ZNF175: variants seen among roughly 807,000 people sequenced by gnomAD.
The protein encoded by ZNF175 is zinc finger protein 175.
Under a neutral mutation model 14.0 loss-of-function variants are expected in ZNF175, and 8 were observed. The ratio of observed to expected loss-of-function variants is 0.57; its 90% CI spans 0.34 to 1.03. The LOEUF (loss-of-function observed/expected upper bound fraction) is 1.03, where lower values mean the gene tolerates loss of function less well. Ranked by LOEUF, ZNF175 falls within the 50% of genes least tolerant of loss-of-function variation. The probability of loss-of-function intolerance (pLI) is 0.03; values close to 1 mark genes in which losing one functional copy is unlikely to be tolerated. For synonymous variants in ZNF175, 255 were observed against 296.8 expected (o/e 0.86, Z 1.45); for missense variants, 764 against 849.5 (o/e 0.90, Z 1.25).
intron 2 of ZNF175, among the ~76,000 whole-genome samples, chr19:51,575,185 T>C (rs1981729364): frequency 6.6e-6 from 1 of 151,602 alleles, no homozygotes; most frequent in Non-Finnish European, 1.5e-5. Context: ...TTTGGTTTGG[T>C]TTAGCCTCCG....
In ZNF175 at chr19:51,582,678, C is replaced by T. The variant is rs1982050213; in HGVS notation, c.295+796C>T. ...TTATCTGTTATCTGATTGGCTTTTT[C>T]ATTTGTTTGTTGCATTTTCTTACCG... On this transcript the variant is annotated intron_variant, in intron 4 of 4. Transcript: ENST00000262259. Among the ~76,000 whole-genome samples, 3 of 152,130 alleles carry T rather than the reference C, an allele frequency of 2.0e-5. No individual in the cohort carries two copies. The South Asian group carries it at 6.2e-4, about 31-fold the overall frequency.
chr19:51,583,271 C>A (rs1982071604), intron 4 of ZNF175, among the ~76,000 whole-genome samples: 1 of 152,142 alleles, frequency 6.6e-6, no homozygotes, highest in Non-Finnish European at 1.5e-5. Context: ...TGTGCTTAAA[C>A]TGTGTTCTGC....
chr19:51,587,982 A>G lies in ZNF175; in HGVS notation c.1651A>G (p.Arg551Gly). The change falls in exon 5 of 5, where the codon AGA becomes GGA. Residue 551 changes from arginine (R) to glycine (G), a missense_variant. Transcript: ENST00000262259. ...GAAGTCAATACTCAGCATGCATCAG[A>G]GAATTCACACCGGAGAGAAGCCTTA... ...NQKSILSMHQ[R>G]IHTGEKPYKC... The G allele has an allele frequency of 6.2e-7, 1 of 1,614,188 alleles. No homozygotes were observed.
intron 2 of ZNF175, among the ~76,000 whole-genome samples, chr19:51,576,338 CAG>C (rs1329685216): frequency 6.6e-6 from 1 of 151,946 alleles, no homozygotes; most frequent in Non-Finnish European, 1.5e-5. Context: ...TTAGTAGAAA[CAG>C]GGTTTCACCA....
Position 51,589,288 on chromosome 19 carries a change from A to G in ZNF175, c.*821A>G. 2.0e-6 allele frequency: 1 copy of G among 510,920 alleles called. No individual in the cohort carries two copies. The highest frequency in any genetic ancestry group is 3.5e-6 in the Non-Finnish European group (1 of 287,988). 31.6% of individuals were successfully genotyped at this position (510,920 alleles called of 1,614,324 possible). ...TGTATGCGTATGTATGTATGTATGT[A>G]TGCCCTCAGTGCAGTGGGGTTTGCT... On this transcript the variant is annotated 3_prime_UTR_variant, in exon 5 of 5. Coordinates refer to ENST00000262259, the MANE Select transcript of ZNF175 (RefSeq NM_007147.4).
chr19:51,584,030 G>A (rs1982093561), intron 4 of ZNF175, among the ~76,000 whole-genome samples: 1 of 152,196 alleles, frequency 6.6e-6, no homozygotes, highest in Non-Finnish European at 1.5e-5. Context: ...ATTTTAAAAG[G>A]ATGCTTTAAA....
chr19:51,571,657 T>A (rs73562612), intron 1 of ZNF175, among the ~76,000 whole-genome samples, 182 bp downstream of exon 1: 2 of 152,164 alleles, frequency 1.3e-5, no homozygotes, highest in South Asian at 2.1e-4. Context: ...TACTTTAATA[T>A]CGGATTTTAT....
At chr19:51,580,527 T>A (rs1301001758) in intron 2 of ZNF175, among the ~76,000 whole-genome samples, 1 of 152,200 alleles carries the variant, frequency 6.6e-6, no homozygotes, top group Non-Finnish European at 1.5e-5. Flanking sequence ...GTCCTTTCAT[T>A]AACCTAATAT....
At chr19:51,580,586 C>A (rs1255158683) in intron 2 of ZNF175, among the ~76,000 whole-genome samples, 2 of 152,164 alleles carry the variant, frequency 1.3e-5, no homozygotes, top group African/African-American at 2.4e-5. Flanking sequence ...ATGATCATAT[C>A]TCTTCCCTGC....
intron 2 of ZNF175, among the ~76,000 whole-genome samples, chr19:51,577,727 G>A (rs112100911): frequency 0.032 from 4,635 of 143,038 alleles, 104 homozygotes; most frequent in African/African-American, 0.051. Context: ...GCAGTGGCAC[G>A]ATCTTGGCTC....
At chr19:51,578,700 G>A (rs956939964) in intron 2 of ZNF175, among the ~76,000 whole-genome samples, 2 of 152,182 alleles carry the variant, frequency 1.3e-5, no homozygotes, top group African/African-American at 4.8e-5. Flanking sequence ...CCCGGAGGTC[G>A]AGGCTGCAGT....
Position 51,588,161 on chromosome 19 carries a change from T to G in ZNF175, c.1830T>G (p.Thr610=), listed in dbSNP as rs767904954. 1 of 1,613,396 alleles carries G rather than the reference T, an allele frequency of 6.2e-7. No individual in the cohort carries two copies. The highest frequency in any genetic ancestry group is 1.3e-5 in the African/African-American group (1 of 74,630). ...TCCATAAACATCAAATAACTCACAC[T>G]AGAGAGAGGCCTTTTGTCTGTTACA... ...SNFHKHQITH[T]RERPFVCYKC... The change falls in exon 5 of 5, where the codon ACT becomes ACG. Residue 610 remains threonine, a synonymous_variant. Coordinates refer to ENST00000262259, the MANE Select transcript of ZNF175 (RefSeq NM_007147.4).
At chr19:51,577,706 C>G (rs1372351688) in intron 2 of ZNF175, among the ~76,000 whole-genome samples, 1 of 149,468 alleles carries the variant, frequency 6.7e-6, no homozygotes, top group African/African-American at 2.5e-5. Context: ...CTCTGTCGCC[C>G]AGGCTGGAGT....
chr19:51,572,993 T>C (rs139578737), intron 1 of ZNF175, among the ~76,000 whole-genome samples, 157 bp from the exon 2 acceptor site: 75 of 152,324 alleles, frequency 4.9e-4, no homozygotes, highest in African/African-American at 1.8e-3. Context: ...TAGTCCAGAC[T>C]CAGTCTTTAT....
At chr19:51,584,463 T>G (rs1009064507) in intron 4 of ZNF175, among the ~76,000 whole-genome samples, 1 of 152,190 alleles carries the variant, frequency 6.6e-6, no homozygotes, top group Non-Finnish European at 1.5e-5. Context: ...TCTGATAGTT[T>G]ACATTGAACA....
intron 2 of ZNF175, among the ~76,000 whole-genome samples, chr19:51,579,207 C>G (rs1202360188): frequency 7.3e-6 from 1 of 136,656 alleles, no homozygotes; most frequent in Non-Finnish European, 1.5e-5. Context: ...GAGCCAAGAG[C>G]ATGCCAGTGC....
In ZNF175 at chr19:51,586,762, G is replaced by A. The variant is rs752255640; in HGVS notation, c.431G>A (p.Arg144His). The change falls in exon 5 of 5, where the codon CGC (arginine) becomes CAC (histidine). Residue 144 changes from arginine to histidine, a missense_variant. Transcript: ENST00000262259. Reference protein sequence around the residue: ...ILEELRLDADRTKKDEQNQIQ... With the variant: ...ILEELRLDADHTKKDEQNQIQ... ...GAAGAACTGAGGCTGGATGCTGACC[G>A]CACAAAGAAAGATGAGCAAAATCAA... 4.7e-5 allele frequency: 76 copies of A among 1,614,022 alleles called. No homozygotes were observed. Among genetic ancestry groups the A allele is most frequent in the East Asian group, 2.4e-4 (11 of 44,902 alleles).
rs188447102 is a variant in ZNF175 at position 51,571,294 on chromosome 19, T to C, written c.-362T>C. Reference sequence around the variant, plus strand: ...AAGTGGCCTAGAGCGACCATTTAGCTTCTGTTGTTAAGTGGATCTAAGCCT... The same window carrying C: ...AAGTGGCCTAGAGCGACCATTTAGCCTCTGTTGTTAAGTGGATCTAAGCCT... On this transcript the variant is annotated 5_prime_UTR_variant, in exon 1 of 5. Transcript: ENST00000262259. 1 of 152,116 alleles carries C rather than the reference T, an allele frequency of 6.6e-6. No individual in the cohort carries two copies. Among genetic ancestry groups the C allele is most frequent in the Non-Finnish European group, 1.5e-5 (1 of 68,034 alleles). 9.4% of individuals were successfully genotyped at this position (152,116 alleles called of 1,614,324 possible).
At chr19:51,582,429 C>T (rs1409185446) in intron 4 of ZNF175, among the ~76,000 whole-genome samples, 2 of 152,114 alleles carry the variant, frequency 1.3e-5, no homozygotes, top group African/African-American at 4.8e-5. Flanking sequence ...TCCCGAGTAG[C>T]TGGGACTACA....
Sources: allele counts gnomAD v4.1 joint callset (sites outside exome capture counted in the v4.1 genomes callset), GRCh38; gene constraint gnomAD v4.1.1; transcripts MANE v1.5; gene names NCBI Gene and HGNC (gene_info 2026-07-23, HGNC 2026-07-21).